Variants in PRPF6 observed in about 807,000 individuals in gnomAD.
The protein encoded by PRPF6 is pre-mRNA processing factor 6.
In PRPF6, 42 loss-of-function variants were observed where a neutral mutation model predicts 118.3. The observed-to-expected ratio is 0.35, with a 90% CI of 0.28 to 0.46. PRPF6 has a LOEUF of 0.46. PRPF6 is among the 20% of genes least tolerant of loss of function. PRPF6 has a pLI of 1.00. For missense variants in PRPF6, 662 were observed against 1,255.7 expected (o/e 0.53, Z 7.15); for synonymous variants, 481 against 485.1 (o/e 0.99, Z 0.11).
rs752049395 is a variant in PRPF6, at chr20:63,994,969, C to T, written c.492C>T (p.Gly164=). 3.1e-6 allele frequency: 5 copies of T among 1,614,010 alleles called. No homozygotes were observed. The highest frequency in any genetic ancestry group is 1.7e-5 in the Admixed American group (1 of 59,994). The change falls in exon 5 of 21, where the codon GGC becomes GGT. Residue 164 remains glycine, a synonymous_variant. Transcript: ENST00000266079. ...AGTGGCTGAGCATCCCCGAGGTTGGCGATGCCAGAAATAAACGTCAGCGGA... is the reference window on the plus strand; with the variant it reads ...AGTGGCTGAGCATCCCCGAGGTTGGTGATGCCAGAAATAAACGTCAGCGGA... ...EEEWLSIPEV[G]DARNKRQRNP...
chr20:63,993,524 C>T (rs1178927643), intron 4 of PRPF6, 39 bp downstream of exon 4: 15 of 1,523,712 alleles, frequency 9.8e-6, no homozygotes, highest in African/African-American at 5.5e-5. Context: ...CGGTTTCTAA[C>T]GCTCTCACCC....
chr20:64,023,135 G>T (rs772978099), intron 13 of PRPF6, among the ~76,000 whole-genome samples: 5 of 152,238 alleles, frequency 3.3e-5, no homozygotes, highest in African/African-American at 4.8e-5. Context: ...CCTGCTAAGT[G>T]TCCTGTAGCC....
chr20:63,981,461 C>T, intron 1 of PRPF6, 145 bp downstream of exon 1: 1 of 788,768 alleles, frequency 1.3e-6, no homozygotes, highest in Non-Finnish European at 2.0e-6. Flanking sequence ...AAGCAACGGG[C>T]TTTGGGGTCA....
intron 6 of PRPF6, 91 bp downstream of exon 6, chr20:63,995,573 T>C (rs1011821777): frequency 7.6e-6 from 11 of 1,452,816 alleles, no homozygotes; most frequent in East Asian, 2.3e-5. Flanking sequence ...TCTTCTCCTT[T>C]TTCTTCTCCT....
At chr20:64,022,732 A>G (rs2059272030) in intron 12 of PRPF6, 25 bp from the exon 13 acceptor site, 7 of 1,613,908 alleles carry the variant, frequency 4.3e-6, no homozygotes, top group Non-Finnish European at 5.1e-6. Context: ...TGGGCTGCCC[A>G]TTCTCATGTC....
chr20:64,000,992 A>T (rs1468660538), intron 8 of PRPF6, 85 bp from the exon 9 acceptor site: 1 of 1,475,284 alleles, frequency 6.8e-7, no homozygotes. Context: ...GGGCCCGAGG[A>T]TCTGCTCTGG....
chr20:64,010,348 G>T (rs1467277994), intron 10 of PRPF6, 30 bp downstream of exon 10: 2 of 1,558,330 alleles, frequency 1.3e-6, no homozygotes, highest in Non-Finnish European at 8.8e-7. Flanking sequence ...GGCCACCAGA[G>T]CCCAAAGTGG....
intron 9 of PRPF6, among the ~76,000 whole-genome samples, chr20:64,004,341 G>A (rs971801241): frequency 6.6e-5 from 10 of 152,220 alleles, no homozygotes; most frequent in African/African-American, 1.4e-4. Flanking sequence ...CCCTAATACT[G>A]GTCCTGGCCT....
chr20:63,986,680 G>A (rs1217136691), intron 3 of PRPF6, among the ~76,000 whole-genome samples: 1 of 151,292 alleles, frequency 6.6e-6, no homozygotes, highest in Admixed American at 6.6e-5. Context: ...AGTAGAGACG[G>A]GATTTCACTG....
intron 12 of PRPF6, among the ~76,000 whole-genome samples, chr20:64,017,144 G>A (rs981383898): frequency 7.2e-5 from 11 of 152,284 alleles, no homozygotes; most frequent in African/African-American, 9.6e-5. Context: ...GGGTTTCACC[G>A]TGTTAGCCAG....
At chr20:64,019,481 G>A (rs1338795400) in intron 12 of PRPF6, among the ~76,000 whole-genome samples, 2 of 152,208 alleles carry the variant, frequency 1.3e-5, no homozygotes, top group African/African-American at 4.8e-5. Context: ...AAGGAGGACA[G>A]TGTTTTCTGT....
At chr20:63,994,302 C>G (rs970618704) in intron 4 of PRPF6, among the ~76,000 whole-genome samples, 2 of 152,028 alleles carry the variant, frequency 1.3e-5, no homozygotes, top group Admixed American at 6.5e-5. Context: ...GGATTACAGG[C>G]ATGTGCCACC....
intron 3 of PRPF6, among the ~76,000 whole-genome samples, chr20:63,992,722 C>G (rs992025202): frequency 6.6e-6 from 1 of 151,750 alleles, no homozygotes; most frequent in African/African-American, 2.4e-5. Context: ...AATTAGTAGA[C>G]TTACGAATGT....
intron 6 of PRPF6, among the ~76,000 whole-genome samples, chr20:63,997,969 T>C (rs2059148636): frequency 6.6e-6 from 1 of 152,222 alleles, no homozygotes; most frequent in African/African-American, 2.4e-5. Flanking sequence ...CGCTGACCTG[T>C]TTATTCGCTG....
Position 64,024,578 on chromosome 20 carries a change from A to G in PRPF6, c.1793A>G (p.Gln598Arg). 6.2e-7 allele frequency: 1 copy of G among 1,613,630 alleles called. No homozygotes were observed. The highest frequency in any genetic ancestry group is 8.5e-7 in the Non-Finnish European group (1 of 1,180,032). Residue 598 changes from glutamine (Q) to arginine (R), a missense_variant, in exon 14 of 21, where the codon CAG becomes CGG. Transcript: ENST00000266079. Reference sequence around the variant, plus strand: ...AGGGAGTCCCTGGAAGCACTCCTGCAGAGGGCTGTGGCCCACTGCCCCAAA... The same window carrying G: ...AGGGAGTCCCTGGAAGCACTCCTGCGGAGGGCTGTGGCCCACTGCCCCAAA... ...GTRESLEALL[Q>R]RAVAHCPKAE...
In PRPF6 at chr20:64,011,090, A is replaced by G. The variant is rs1012456775; in HGVS notation, c.1306-195A>G. ...TTTTGATGCTCACGAGAGTCACTAA[A>G]TGAGTCAGAAGCATAAAGGAACAGT... On this transcript the variant is annotated intron_variant, in intron 10 of 20. Transcript: ENST00000266079. The surrounding 1 kb of genome is among the most constrained non-coding windows in gnomAD (Gnocchi z 6.7). Among the ~76,000 whole-genome samples the G allele has an allele frequency of 9.9e-5, 15 of 152,216 alleles. No homozygotes were observed. The highest frequency in any genetic ancestry group is 1.6e-4 in the Non-Finnish European group (11 of 68,034).
rs1227181425 is a variant in PRPF6 at position 63,994,786 on chromosome 20, CA to C, written c.439-129del. 3.3e-6 allele frequency: 4 copies of C among 1,195,514 alleles called. No individual in the cohort carries two copies. The Admixed American group carries it at 6.5e-5, about 19-fold the overall frequency. 74.1% of individuals were successfully genotyped at this position (1,195,514 alleles called of 1,614,324 possible). ...CCCATCTCAAAACAAAAGTAAAAAACAGTTGCTGCATCCAAATCCCTTCTAA... is the reference window on the plus strand; with the variant it reads ...CCCATCTCAAAACAAAAGTAAAAAACGTTGCTGCATCCAAATCCCTTCTAA... On this transcript the variant is annotated intron_variant, in intron 4 of 20. Coordinates refer to ENST00000266079, the MANE Select transcript of PRPF6 (RefSeq NM_012469.4).
intron 9 of PRPF6, among the ~76,000 whole-genome samples, chr20:64,002,940 G>A (rs1235201497): frequency 1.3e-5 from 2 of 149,710 alleles, no homozygotes; most frequent in African/African-American, 2.5e-5. Flanking sequence ...CACTGTGCCC[G>A]GCCAGATTTT....
chr20:64,029,416 C>T lies in PRPF6; in HGVS notation c.2471C>T (p.Pro824Leu), dbSNP rs1569226429. The change falls in exon 19 of 21, where the codon CCC (proline) becomes CTC (leucine). Residue 824 changes from proline to leucine, a missense_variant. By Grantham distance (98) the Pro-to-Leu change is moderately conservative (BLOSUM62 -3). This residue lies in a region of PRPF6 where 244 missense variants were observed against 383.7 expected (regional missense o/e 0.64). Coordinates refer to ENST00000266079, the MANE Select transcript of PRPF6 (RefSeq NM_012469.4). This position sits in a 1 kb window ranked among gnomAD's most constrained non-coding sequence, Gnocchi z 4.8. ...WSEAIFLEAR[P>L]QRRTKSVDAL... is the part of the protein sequence containing the mutation. ...GAGGCCATCTTCCTCGAGGCAAGGC[C>T]CCAGAGGAGGACCAAGAGCGTGGAT... The T allele has an allele frequency of 6.2e-7, 1 of 1,614,190 alleles. No individual in the cohort carries two copies. Among genetic ancestry groups the T allele is most frequent in the South Asian group, 1.1e-5 (1 of 91,086 alleles).
Sources: allele counts gnomAD v4.1 joint callset (sites outside exome capture counted in the v4.1 genomes callset), GRCh38; gene constraint gnomAD v4.1.1; regional missense constraint gnomAD v4.1.1; non-coding constraint Gnocchi (gnomAD v3.1); transcripts MANE v1.5; gene names NCBI Gene and HGNC (gene_info 2026-07-23, HGNC 2026-07-21).